ADAMTS9: variants seen among roughly 807,000 people sequenced by gnomAD.
The protein encoded by ADAMTS9 is ADAM metallopeptidase with thrombospondin type 1 motif 9, also known as A disintegrin and metalloproteinase with thrombospondin motifs 9.
Under a neutral mutation model 257.1 loss-of-function variants are expected in ADAMTS9, and 107 were observed. The observed-to-expected ratio is 0.42, with a 90% confidence interval of 0.36 to 0.49. The LOEUF (loss-of-function observed/expected upper bound fraction) is 0.49, where lower values mean the gene tolerates loss of function less well. Ranked by LOEUF, ADAMTS9 falls within the 20% of genes least tolerant of loss-of-function variation. The pLI is 0.03. For missense variants in ADAMTS9, 2,353 were observed against 2,469.1 expected (o/e 0.95, Z 1.00); for synonymous variants, 982 against 880.9 (o/e 1.11, Z -2.03).
At chr3:64,548,406 C>T (rs921010166) in intron 31 of ADAMTS9, among the ~76,000 whole-genome samples, 1 of 152,146 alleles carries the variant, frequency 6.6e-6, no homozygotes, top group Non-Finnish European at 1.5e-5. Flanking sequence ...AAGGCCAGCC[C>T]GGGGTGTTTC....
chr3:64,642,520 G>T (rs1259247959), intron 11 of ADAMTS9, among the ~76,000 whole-genome samples: 1 of 152,126 alleles, frequency 6.6e-6, no homozygotes, highest in African/African-American at 2.4e-5. Context: ...AAAGCAAAAC[G>T]GACACACTAC....
intron 30 of ADAMTS9, among the ~76,000 whole-genome samples, chr3:64,551,561 C>T (rs2083272075): frequency 6.6e-6 from 1 of 152,118 alleles, no homozygotes; most frequent in South Asian, 2.1e-4. Flanking sequence ...CTGGCATTCA[C>T]CACCCAGCTG....
chr3:64,601,904 C>G (rs779478123), intron 26 of ADAMTS9, 40 bp downstream of exon 26: 4 of 1,549,130 alleles, frequency 2.6e-6, no homozygotes, highest in Non-Finnish European at 3.5e-6. Context: ...AACCCAACCT[C>G]AAGTGAAAGA....
chr3:64,541,474 ATCAC>A, intron 34 of ADAMTS9, 48 bp downstream of exon 34: 1 of 1,605,822 alleles, frequency 6.2e-7, no homozygotes, highest in Non-Finnish European at 8.5e-7. Flanking sequence ...GAGAGCGGTG[ATCAC>A]TCACTCTAAA....
At chr3:64,560,869 T>C (rs7627455) in intron 30 of ADAMTS9, among the ~76,000 whole-genome samples, 55,384 of 151,992 alleles carry the variant, frequency 0.36, 12,546 homozygotes, top group Non-Finnish European at 0.51. Context: ...GCTTTCTAAT[T>C]CTTTCCCCCC....
At chr3:64,633,676 C>A (rs1269214182) in intron 13 of ADAMTS9, 22 bp downstream of exon 13, 3 of 1,613,536 alleles carry the variant, frequency 1.9e-6, no homozygotes, top group Non-Finnish European at 2.5e-6. Context: ...CAACGGTGAA[C>A]AGATACACCA....
At chr3:64,574,692 C>T (rs1473127357) in intron 28 of ADAMTS9, among the ~76,000 whole-genome samples, 1 of 151,310 alleles carries the variant, frequency 6.6e-6, no homozygotes, top group Non-Finnish European at 1.5e-5. Context: ...GACTGTGCTA[C>T]TGCACTCCAG....
intron 3 of ADAMTS9, among the ~76,000 whole-genome samples, chr3:64,679,513 T>C (rs1576188581): frequency 3.3e-5 from 5 of 152,236 alleles, no homozygotes; most frequent in Admixed American, 2.0e-4. Flanking sequence ...GTGCTTTGCA[T>C]AATGCATGTA....
intron 4 of ADAMTS9, among the ~76,000 whole-genome samples, chr3:64,657,030 T>C (rs879703333): frequency 6.6e-6 from 1 of 152,106 alleles, no homozygotes; most frequent in African/African-American, 2.4e-5. Context: ...TGGACCCATC[T>C]CGAATCGTTC....
intron 38 of ADAMTS9, among the ~76,000 whole-genome samples, chr3:64,526,067 T>C (rs2082906474): frequency 6.9e-6 from 1 of 144,310 alleles, no homozygotes; most frequent in Non-Finnish European, 1.5e-5. Flanking sequence ...TATGCTATAC[T>C]ATATATTATA....
chr3:64,559,436 C>T (rs1366427366), intron 30 of ADAMTS9, among the ~76,000 whole-genome samples: 3 of 152,112 alleles, frequency 2.0e-5, no homozygotes, highest in Non-Finnish European at 4.4e-5. Context: ...TTCCTTAGAC[C>T]CTCCACTTTG....
chr3:64,541,426 T>A lies in ADAMTS9; in HGVS notation c.5293-12A>T. 1 of 1,613,570 alleles carries A rather than the reference T, an allele frequency of 6.2e-7. No homozygotes were observed. On this transcript the variant is annotated splice_polypyrimidine_tract_variant and intron_variant, in intron 34 of 39. Coordinates refer to ENST00000498707, the MANE Select transcript of ADAMTS9 (RefSeq NM_182920.2). ...CCCGCACAGAATATCTGAAAGACCATAAATAACCCATGAAGAGTGGCTCAG... is the reference window on the plus strand; with the variant it reads ...CCCGCACAGAATATCTGAAAGACCAAAAATAACCCATGAAGAGTGGCTCAG...
At chr3:64,530,770 A>G (rs529081688) in intron 38 of ADAMTS9, among the ~76,000 whole-genome samples, 330 of 152,202 alleles carry the variant, frequency 2.2e-3, no homozygotes, top group Middle Eastern at 0.02. Context: ...ATTTTTATTT[A>G]TTTATTTACT....
At chr3:64,661,348 G>A (rs1025593045) in intron 3 of ADAMTS9, among the ~76,000 whole-genome samples, 3 of 149,036 alleles carry the variant, frequency 2.0e-5, no homozygotes, top group Non-Finnish European at 2.9e-5. Context: ...CAAATCAATT[G>A]TTAAATCATC....
At chr3:64,565,682 G>C (rs1356361785) in intron 29 of ADAMTS9, 4 of 152,160 alleles carry the variant, frequency 2.6e-5, no homozygotes, top group African/African-American at 9.7e-5. Flanking sequence ...TTTGTATCAT[G>C]GGAATATTGA....
At chr3:64,614,215 G>C (rs967892319) in intron 21 of ADAMTS9, among the ~76,000 whole-genome samples, 4 of 152,092 alleles carry the variant, frequency 2.6e-5, no homozygotes, top group African/African-American at 4.8e-5. Flanking sequence ...TTGTTACTTA[G>C]TTTGAAATTA....
rs1700485783 is a variant in ADAMTS9, at chr3:64,636,013, G to A, written c.1857-2134C>T. Among the ~76,000 whole-genome samples the A allele has an allele frequency of 7.2e-5, 11 of 152,110 alleles. 1 individual carries two copies. Among genetic ancestry groups the A allele is most frequent in the Admixed American group, 5.9e-4 (9 of 15,274 alleles). On this transcript the variant is annotated intron_variant, in intron 12 of 39. Transcript: ENST00000498707. ...TTTAGATGTCCCAGCTGACTATGGT[G>A]GATCAATCATTTATTTATTGCCTGA...
At chr3:64,562,905 T>G (rs1396603959) in intron 29 of ADAMTS9, 1 of 152,224 alleles carries the variant, frequency 6.6e-6, no homozygotes, top group African/African-American at 2.4e-5. Context: ...TTTCAGATTT[T>G]AAGAAAACAG....
chr3:64,643,260 A>T (rs568121859), intron 11 of ADAMTS9, among the ~76,000 whole-genome samples: 3 of 152,216 alleles, frequency 2.0e-5, no homozygotes, highest in African/African-American at 7.2e-5. Flanking sequence ...AAATGAACAG[A>T]TGGACGGCTT....
Sources: gnomAD v4.1 joint callset for allele counts (sites outside exome capture counted in the v4.1 genomes callset) on GRCh38, gnomAD v4.1.1 for gene constraint, MANE v1.5 for transcripts, NCBI Gene and HGNC (gene_info 2026-07-23, HGNC 2026-07-21) for gene names.